Variants in CP observed in about 807,000 individuals in gnomAD.
The protein encoded by CP is ceruloplasmin.
A neutral mutation model predicts 122.4 loss-of-function variants in CP; 64 were observed. The observed-to-expected ratio is 0.52, with a 90% CI of 0.43 to 0.64. The LOEUF is 0.64. CP is among the 30% of genes least tolerant of loss of function. The pLI, the probability that CP is intolerant of heterozygous loss-of-function variation, is 0.00. For missense variants in CP, 1,167 were observed against 1,284.4 expected, an observed-to-expected ratio of 0.91 and a Z score of 1.40; for synonymous variants, 440 against 436.4, an observed-to-expected ratio of 1.01 and a Z score of -0.10.
intron 9 of CP, among the ~76,000 whole-genome samples, chr3:149,191,221 C>T (rs1341225196): frequency 6.9e-6 from 1 of 145,700 alleles, no homozygotes; most frequent in Non-Finnish European, 1.5e-5. Context: ...ACTAGAATTT[C>T]TGTTCACTAT....
chr3:149,199,220 T>A (rs181637081), intron 8 of CP, among the ~76,000 whole-genome samples: 2 of 152,144 alleles, frequency 1.3e-5, no homozygotes, highest in Non-Finnish European at 2.9e-5. Flanking sequence ...AAACTCCGAT[T>A]ATGAAATTAA....
intron 5 of CP, among the ~76,000 whole-genome samples, chr3:149,163,237 T>C (rs1724065001): frequency 2.0e-5 from 3 of 152,198 alleles, no homozygotes; most frequent in African/African-American, 7.2e-5. Flanking sequence ...GCAGACCTCC[T>C]TGGTGGGAGA....
At chr3:149,194,332 G>A (rs541626585) in intron 9 of CP, among the ~76,000 whole-genome samples, 104 of 151,300 alleles carry the variant, frequency 6.9e-4, no homozygotes, top group African/African-American at 2.4e-3. Context: ...TCCGCCTCCC[G>A]GGTTCAAGCA....
intron 16 of CP, 69 bp from the exon 17 acceptor site, chr3:149,178,048 T>A (rs1274483579): frequency 2.5e-5 from 34 of 1,378,604 alleles, no homozygotes; most frequent in Non-Finnish European, 3.5e-5. Flanking sequence ...TCAAAGAAAA[T>A]ATGATTATTA....
At chr3:149,218,672 A>G (rs2108315997) in intron 1 of CP, among the ~76,000 whole-genome samples, 1 of 152,296 alleles carries the variant, frequency 6.6e-6, no homozygotes, top group South Asian at 2.1e-4. Context: ...TTTACAATAC[A>G]GTCTATGATT....
intron 1 of CP, among the ~76,000 whole-genome samples, chr3:149,214,075 G>C (rs1728294039): frequency 6.6e-6 from 1 of 152,168 alleles, no homozygotes; most frequent in Admixed American, 6.5e-5. Context: ...GAGATAGTCT[G>C]CTCTGGGGCC....
chr3:149,167,230 A>G, intron 4 of CP: 1 of 1,612,440 alleles, frequency 6.2e-7, no homozygotes, highest in African/African-American at 1.3e-5. Context: ...GAACTGAAAG[A>G]AGAGAACCGG....
chr3:149,202,233 G>A lies in CP; in HGVS notation c.1217C>T (p.Ala406Val), dbSNP rs147034302. 2.0e-5 allele frequency: 33 copies of A among 1,614,026 alleles called. No individual in the cohort carries two copies. The highest frequency in any genetic ancestry group is 2.8e-5 in the Non-Finnish European group (33 of 1,180,002). ...TGTGGTACCTTGTTCAAAAAACACC[G>A]CTGAGTCACTGCAGGGGGAAAAAAG... is the stretch of plus-strand genomic sequence containing the variant. ...ENLTAPGSDS[A>V]VFFEQGTTRI... Residue 406 changes from alanine to valine, a missense_variant, in exon 7 of 19, where the codon GCG (alanine) becomes GTG (valine). This residue lies in a region of CP where 642 missense variants were observed against 627.3 expected (regional missense o/e 1.02). Coordinates refer to ENST00000264613, the MANE Select transcript of CP (RefSeq NM_000096.4).
intron 5 of CP, chr3:149,164,047 G>A (rs1044475571): frequency 7.2e-5 from 49 of 675,928 alleles, no homozygotes; most frequent in Non-Finnish European, 1.2e-4. Context: ...AATCTAGAAT[G>A]TAGAATTTTG....
chr3:149,203,464 A>G (rs1727488833), intron 6 of CP, among the ~76,000 whole-genome samples: 1 of 151,942 alleles, frequency 6.6e-6, no homozygotes, highest in Admixed American at 6.6e-5. Context: ...GGGCTTTGGT[A>G]TGTTGGCCAG....
intron 1 of CP, among the ~76,000 whole-genome samples, chr3:149,215,487 A>C (rs1422257249): frequency 2.0e-5 from 3 of 152,218 alleles, no homozygotes; most frequent in Non-Finnish European, 4.4e-5. Context: ...CCTTTTATAC[A>C]CATTGCAATA....
chr3:149,171,966 A>G (rs1467705929), downstream of CP: 7 of 783,532 alleles, frequency 8.9e-6, no homozygotes, highest in Non-Finnish European at 1.5e-5. Flanking sequence ...CGGCCTCCCA[A>G]AGTGCTGGGA....
intron 5 of CP, chr3:149,162,948 A>C: frequency 8.0e-7 from 1 of 1,253,746 alleles, no homozygotes; most frequent in Non-Finnish European, 1.2e-6. Flanking sequence ...CCTTATTTTT[A>C]ATAACTTATT....
intron 9 of CP, among the ~76,000 whole-genome samples, chr3:149,191,624 A>G (rs555967430): frequency 1.1e-4 from 16 of 149,132 alleles, no homozygotes; most frequent in Non-Finnish European, 2.2e-4. Flanking sequence ...TACCCATCAT[A>G]ATAAGGCAAG....
In CP at chr3:149,181,675, A is replaced by T. The variant is rs12496866; in HGVS notation, c.2554+330T>A. ...AGAACCACATGTGCTAGAGACAGGC[A>T]TGGGAACATCCAGCCACATATGGTG... is the stretch of plus-strand genomic sequence containing the variant. On this transcript the variant is annotated intron_variant, in intron 14 of 18. Coordinates refer to ENST00000264613, the MANE Select transcript of CP (RefSeq NM_000096.4). 0.066 allele frequency among the ~76,000 whole-genome samples: 10,088 copies of T among 152,072 alleles called. 476 individuals carry two copies. The highest frequency in any genetic ancestry group is 0.18 in the South Asian group (869 of 4,812).
At chr3:149,186,946 A>T (rs958720578) in intron 10 of CP, among the ~76,000 whole-genome samples, 2 of 152,162 alleles carry the variant, frequency 1.3e-5, no homozygotes, top group African/African-American at 4.8e-5. Context: ...CTGAATGCAT[A>T]GTTCTTGTTC....
chr3:149,171,285 A>T (rs988737331), downstream of CP, among the ~76,000 whole-genome samples: 1 of 152,198 alleles, frequency 6.6e-6, no homozygotes, highest in Non-Finnish European at 1.5e-5. Context: ...TCAAAAAAAA[A>T]AAATATATTG....
At chr3:149,193,241 G>A (rs1726664268) in intron 9 of CP, among the ~76,000 whole-genome samples, 1 of 152,064 alleles carries the variant, frequency 6.6e-6, no homozygotes, top group Admixed American at 6.5e-5. Context: ...CCCAAGATTT[G>A]TTCCCATGAA....
chr3:149,213,391 C>A (rs1170674907), intron 1 of CP, among the ~76,000 whole-genome samples: 2 of 152,150 alleles, frequency 1.3e-5, no homozygotes, highest in African/African-American at 4.8e-5. Context: ...TTAAAACTTT[C>A]TTTAAAATAT....
Sources: gnomAD v4.1 joint callset for allele counts (sites outside exome capture counted in the v4.1 genomes callset) on GRCh38, gnomAD v4.1.1 for gene constraint, gnomAD v4.1.1 regional missense constraint, MANE v1.5 for transcripts, NCBI Gene and HGNC (gene_info 2026-07-23, HGNC 2026-07-21) for gene names.